The following NALF1 variants were observed in gnomAD, a reference collection of about 807,000 sequenced individuals.
NALF1 encodes family with sequence similarity 155 member A.
Under a neutral mutation model 48.4 loss-of-function variants are expected in NALF1, and 3 were observed. That is an observed-to-expected ratio of 0.06 (90% CI 0.03 to 0.16). The LOEUF is 0.16. NALF1 is among the 10% of genes least tolerant of loss of function. NALF1 has a pLI of 1.00. For missense variants in NALF1, 526 were observed against 571.5 expected (o/e 0.92, Z 0.81); for synonymous variants, 262 against 245.7 (o/e 1.07, Z -0.62).
intron 1 of NALF1, among the ~76,000 whole-genome samples, chr13:107,599,985 G>C (rs1376471777): frequency 6.6e-6 from 1 of 152,018 alleles, no homozygotes; most frequent in African/African-American, 2.4e-5. Context: ...ATTATTACTT[G>C]AATGATACCA....
intron 1 of NALF1, among the ~76,000 whole-genome samples, chr13:107,402,247 C>G (rs938373297): frequency 6.6e-6 from 1 of 151,616 alleles, no homozygotes; most frequent in Non-Finnish European, 1.5e-5. Context: ...TATTCAGGAT[C>G]TGAGTGAAGC....
intron 1 of NALF1, among the ~76,000 whole-genome samples, chr13:107,367,977 A>G (rs1883180901): frequency 6.6e-6 from 1 of 152,228 alleles, no homozygotes; most frequent in Non-Finnish European, 1.5e-5. Context: ...TTATGATAAT[A>G]AAAGGTGGAT....
intron 1 of NALF1, among the ~76,000 whole-genome samples, chr13:107,610,863 AC>A (rs1053331309): frequency 3.3e-5 from 5 of 152,086 alleles, no homozygotes; most frequent in African/African-American, 1.2e-4. Flanking sequence ...TCAGTGGGGG[AC>A]CAGGGGCTGG....
chr13:107,712,959 G>A (rs538928179), intron 1 of NALF1, among the ~76,000 whole-genome samples: 32 of 152,172 alleles, frequency 2.1e-4, no homozygotes, highest in Non-Finnish European at 4.1e-4. Context: ...CTGTCTGGAG[G>A]TGGACTGTGT....
intron 1 of NALF1, among the ~76,000 whole-genome samples, chr13:107,383,972 G>C (rs573864769): frequency 2.3e-4 from 35 of 152,288 alleles, no homozygotes; most frequent in African/African-American, 7.7e-4. Flanking sequence ...CATTAAGCCA[G>C]GTTTGGTGGT....
chr13:107,329,013 T>C (rs1882418518), intron 1 of NALF1, among the ~76,000 whole-genome samples: 1 of 152,212 alleles, frequency 6.6e-6, no homozygotes, highest in Non-Finnish European at 1.5e-5. Flanking sequence ...AGGAAGAGCT[T>C]CTCAATGAGT....
At chr13:107,208,736 A>G (rs1879694364) in intron 2 of NALF1, among the ~76,000 whole-genome samples, 1 of 152,146 alleles carries the variant, frequency 6.6e-6, no homozygotes, top group African/African-American at 2.4e-5. Context: ...CCTTATCTTC[A>G]TGGTTATTTG....
intron 1 of NALF1, among the ~76,000 whole-genome samples, chr13:107,320,089 T>C (rs1882224908): frequency 6.6e-6 from 1 of 152,100 alleles, no homozygotes; most frequent in Middle Eastern, 3.2e-3. Flanking sequence ...ATGGAAGAGA[T>C]GTTCTAGAAA....
At chr13:107,416,943 T>C (rs944275288) in intron 1 of NALF1, among the ~76,000 whole-genome samples, 1 of 152,204 alleles carries the variant, frequency 6.6e-6, no homozygotes, top group South Asian at 2.1e-4. Flanking sequence ...AAAGACCCGA[T>C]GTGGAATTGA....
At chr13:107,784,637 C>T (rs895756535) in intron 1 of NALF1, among the ~76,000 whole-genome samples, 4 of 151,998 alleles carry the variant, frequency 2.6e-5, no homozygotes, top group Non-Finnish European at 5.9e-5. Flanking sequence ...AGCCAACAAA[C>T]ATATGAAAAA....
chr13:107,339,333 G>A (rs1230687729), intron 1 of NALF1, among the ~76,000 whole-genome samples: 2 of 152,016 alleles, frequency 1.3e-5, no homozygotes, highest in African/African-American at 4.8e-5. Flanking sequence ...AGAAAGCAAA[G>A]GTGCTGGGTG....
intron 1 of NALF1, among the ~76,000 whole-genome samples, chr13:107,279,945 T>A (rs139867173): frequency 6.6e-6 from 1 of 152,266 alleles, no homozygotes; most frequent in East Asian, 1.9e-4. Flanking sequence ...CTGCTTTCTA[T>A]AGCACCTAAG....
rs552429354 is a variant in NALF1 at position 107,358,912 on chromosome 13, G to A, written c.916-148157C>T. Reference sequence around the variant, plus strand: ...TTATGAACATTTCAACCACAAAAGCGTATTCTGAAAATGCCACTGTTTTTT... The same window carrying A: ...TTATGAACATTTCAACCACAAAAGCATATTCTGAAAATGCCACTGTTTTTT... On this transcript the variant is annotated intron_variant, in intron 1 of 2. Transcript: ENST00000375915. Among the ~76,000 whole-genome samples the A allele has an allele frequency of 9.2e-5, 14 of 152,180 alleles. No individual in the cohort carries two copies. The South Asian group carries it at 1.7e-3, about 18-fold the overall frequency.
chr13:107,757,751 T>C (rs1339031628), intron 1 of NALF1, among the ~76,000 whole-genome samples: 1 of 152,180 alleles, frequency 6.6e-6, no homozygotes, highest in Non-Finnish European at 1.5e-5. Flanking sequence ...TTAAGAGTTT[T>C]ATTGGCTAAT....
At chr13:107,776,101 G>T (rs546522033) in intron 1 of NALF1, among the ~76,000 whole-genome samples, 5 of 152,176 alleles carry the variant, frequency 3.3e-5, no homozygotes, top group African/African-American at 1.2e-4. Flanking sequence ...AAGCAGTTGG[G>T]AGAGAACAAA....
At chr13:107,822,700 T>C (rs1879394216) in intron 1 of NALF1, among the ~76,000 whole-genome samples, 1 of 152,210 alleles carries the variant, frequency 6.6e-6, no homozygotes, top group Non-Finnish European at 1.5e-5. Context: ...CTTTTTATTC[T>C]AGCACTAACG....
intron 1 of NALF1, among the ~76,000 whole-genome samples, chr13:107,257,976 TAATA>T (rs1224331989): frequency 2.0e-5 from 3 of 152,322 alleles, no homozygotes; most frequent in East Asian, 3.9e-4. Context: ...CTGTTGCAAT[TAATA>T]AATAGTGAAA....
At chr13:107,256,298 C>T (rs1342533294) in intron 1 of NALF1, among the ~76,000 whole-genome samples, 1 of 152,180 alleles carries the variant, frequency 6.6e-6, no homozygotes, top group African/African-American at 2.4e-5. Flanking sequence ...GCTGCTGTGC[C>T]TCTCTTCCTA....
intron 1 of NALF1, among the ~76,000 whole-genome samples, chr13:107,343,775 A>G (rs934406626): frequency 6.6e-6 from 1 of 152,172 alleles, no homozygotes; most frequent in Non-Finnish European, 1.5e-5. Context: ...AACGATCTCA[A>G]ATGAATAAGA....
Sources: allele counts gnomAD v4.1 joint callset (sites outside exome capture counted in the v4.1 genomes callset), GRCh38; gene constraint gnomAD v4.1.1; transcripts MANE v1.5; gene names NCBI Gene and HGNC (gene_info 2026-07-23, HGNC 2026-07-21).